Variants in IQCK observed in about 807,000 individuals in gnomAD.
The protein encoded by IQCK is IQ motif containing K.
IQCK carries 29 observed loss-of-function variants against 28.1 expected under a neutral mutation model. The observed-to-expected ratio is 1.03, with a 90% CI of 0.77 to 1.41. IQCK has a LOEUF of 1.41. IQCK is among the 40% of genes most tolerant of loss of function. The probability of loss-of-function intolerance (pLI) is 0.00; values close to 1 mark genes in which losing one functional copy is unlikely to be tolerated. For synonymous variants in IQCK, 113 were observed against 115.1 expected (o/e 0.98, Z 0.12); for missense variants, 359 against 314.7 (o/e 1.14, Z -1.07).
chr16:19,725,200 T>A lies in IQCK; in HGVS notation c.182-5230T>A, dbSNP rs568991376. 2.7e-3 allele frequency among the ~76,000 whole-genome samples: 412 copies of A among 152,130 alleles called. 2 individuals are homozygous for A. The highest frequency in any genetic ancestry group is 8.9e-3 in the African/African-American group (371 of 41,512). On this transcript the variant is annotated intron_variant, in intron 1 of 7. Coordinates refer to ENST00000564186, the Ensembl canonical transcript of IQCK. The stretch of plus-strand genomic sequence containing the variant: ...ATTTAATATACCTGATTTAAAAAAA[T>A]TTTTTTTTAATTTTTATTTTTTTGA...
intron 4 of IQCK, among the ~76,000 whole-genome samples, chr16:19,752,532 TA>T (rs2055000272): frequency 6.6e-6 from 1 of 152,194 alleles, no homozygotes; most frequent in Non-Finnish European, 1.5e-5. Context: ...CAAACTGTCC[TA>T]AGTAGAAAGG....
chr16:19,772,275 G>T (rs2055329971), intron 6 of IQCK, among the ~76,000 whole-genome samples: 2 of 152,184 alleles, frequency 1.3e-5, no homozygotes, highest in African/African-American at 4.8e-5. Flanking sequence ...TTGAAAGTAA[G>T]AAATATACCA....
chr16:19,843,511 G>A (rs1483498667), intron 9 of IQCK, among the ~76,000 whole-genome samples: 1 of 152,212 alleles, frequency 6.6e-6, no homozygotes, highest in African/African-American at 2.4e-5. Flanking sequence ...CACAATGTTT[G>A]CAAAGTTTAT....
At chr16:19,757,552 A>G (rs2055070640) in intron 4 of IQCK, among the ~76,000 whole-genome samples, 1 of 152,178 alleles carries the variant, frequency 6.6e-6, no homozygotes, top group African/African-American at 2.4e-5. Context: ...TTCTATGCCT[A>G]CGCCTGTAAT....
chr16:19,792,964 A>T (rs939983856), intron 7 of IQCK, among the ~76,000 whole-genome samples: 1 of 114,780 alleles, frequency 8.7e-6, no homozygotes, highest in Non-Finnish European at 1.5e-5. Flanking sequence ...ATCTCAATGG[A>T]TATAGAAAAT....
intron 1 of IQCK, among the ~76,000 whole-genome samples, chr16:19,727,189 A>G (rs1344064998): frequency 6.6e-6 from 1 of 152,104 alleles, no homozygotes; most frequent in Non-Finnish European, 1.5e-5. Flanking sequence ...ATAAATTTCA[A>G]ATAAGGCAAA....
chr16:19,779,069 A>C (rs903884859), intron 6 of IQCK, among the ~76,000 whole-genome samples: 2 of 152,066 alleles, frequency 1.3e-5, no homozygotes, highest in Non-Finnish European at 2.9e-5. Flanking sequence ...TGCAGCCTCG[A>C]ACTCCTGCCC....
intron 4 of IQCK, among the ~76,000 whole-genome samples, chr16:19,746,871 G>A (rs1272365329): frequency 6.6e-6 from 1 of 152,210 alleles, no homozygotes; most frequent in African/African-American, 2.4e-5. Flanking sequence ...TTGACTAACT[G>A]CCAGATAGGG....
intron 9 of IQCK, among the ~76,000 whole-genome samples, chr16:19,836,583 G>A (rs2056300380): frequency 6.6e-6 from 1 of 152,072 alleles, no homozygotes; most frequent in Non-Finnish European, 1.5e-5. Flanking sequence ...ATGTGATCTC[G>A]GCTCACTGCA....
At chr16:19,790,483 A>G (rs1268978219) in intron 7 of IQCK, among the ~76,000 whole-genome samples, 1 of 113,218 alleles carries the variant, frequency 8.8e-6, no homozygotes, top group East Asian at 2.2e-4. Flanking sequence ...GCCAGAGGGA[A>G]AGGTCCCAGT....
chr16:19,776,318 G>A (rs538300061), intron 6 of IQCK, among the ~76,000 whole-genome samples: 9 of 152,250 alleles, frequency 5.9e-5, no homozygotes, highest in African/African-American at 2.2e-4. Context: ...TAAGAGTGTG[G>A]CTAATTATTC....
chr16:19,723,289 G>T (rs1041897688), intron 1 of IQCK, among the ~76,000 whole-genome samples: 9 of 152,116 alleles, frequency 5.9e-5, no homozygotes, highest in African/African-American at 1.9e-4. Flanking sequence ...GACCTACAAT[G>T]ATTTTCATAG....
At chr16:19,747,360 C>A (rs1301422910) in intron 4 of IQCK, among the ~76,000 whole-genome samples, 1 of 152,076 alleles carries the variant, frequency 6.6e-6, no homozygotes. Flanking sequence ...AGGGTTGCTT[C>A]AATTCAATTA....
At chr16:19,818,346 TTGTG>T (rs373750645) in intron 7 of IQCK, among the ~76,000 whole-genome samples, 140 of 150,638 alleles carry the variant, frequency 9.3e-4, no homozygotes, top group Non-Finnish European at 1.7e-3. Context: ...ACACACTACT[TTGTG>T]TGTGTGTGTG....
intron 4 of IQCK, among the ~76,000 whole-genome samples, chr16:19,754,801 A>AATAC (rs2055030869): frequency 6.6e-6 from 1 of 152,210 alleles, no homozygotes; most frequent in African/African-American, 2.4e-5. Flanking sequence ...GAAAATTAGT[A>AATAC]ATACCATCAG....
intron 9 of IQCK, among the ~76,000 whole-genome samples, chr16:19,836,586 T>C (rs968509444): frequency 1.3e-5 from 2 of 152,348 alleles, no homozygotes; most frequent in South Asian, 4.1e-4. Context: ...TGATCTCGGC[T>C]CACTGCAACC....
At chr16:19,724,524 GT>G (rs375373303) in intron 1 of IQCK, among the ~76,000 whole-genome samples, 6 of 150,694 alleles carry the variant, frequency 4.0e-5, no homozygotes, top group East Asian at 2.0e-4. Context: ...TTGTTGTTGG[GT>G]TTTTTTTTGT....
chr16:19,758,421 C>G (rs1277219331), intron 4 of IQCK, among the ~76,000 whole-genome samples: 1 of 152,210 alleles, frequency 6.6e-6, no homozygotes, highest in Non-Finnish European at 1.5e-5. Context: ...CGTCATACAT[C>G]AGACCATTTG....
In IQCK at chr16:19,721,941, T is replaced by TTCATCACTTAA. The variant is rs538990776; in HGVS notation, c.181+3458_181+3468dup. ...TCAGCATCCTCACTATTGTCATTGG[T>TTCATCACTTAA]TCATCACTTAATCAAGCACTCTCTG... On this transcript the variant is annotated intron_variant, in intron 1 of 7. Transcript: ENST00000564186. Among the ~76,000 whole-genome samples, 19 of 125,990 alleles carry TTCATCACTTAA rather than the reference T, an allele frequency of 1.5e-4. No individual in the cohort carries two copies. The South Asian group carries it at 3.9e-3, about 26-fold the overall frequency. 82.7% of individuals were successfully genotyped at this position (125,990 alleles called of 152,430 possible).
Sources: allele counts gnomAD v4.1 joint callset (sites outside exome capture counted in the v4.1 genomes callset), GRCh38; gene constraint gnomAD v4.1.1; transcripts MANE v1.5; gene names NCBI Gene and HGNC (gene_info 2026-07-23, HGNC 2026-07-21).